The following LYN variants were observed in gnomAD, a reference collection of about 807,000 sequenced individuals.
LYN encodes the protein tyrosine-protein kinase Lyn.
A neutral mutation model predicts 65.0 loss-of-function variants in LYN; 12 were observed. The ratio of observed to expected loss-of-function variants is 0.18; its 90% CI spans 0.12 to 0.30. The LOEUF is 0.30. LYN is among the 10% of genes least tolerant of loss of function. LYN has a pLI of 1.00. For synonymous variants in LYN, 222 were observed against 221.2 expected, an observed-to-expected ratio of 1.00 and a Z score of -0.03; for missense variants, 380 against 623.2, an observed-to-expected ratio of 0.61 and a Z score of 4.16.
chr8:55,896,102 T>TAAA (rs200982543), intron 1 of LYN, among the ~76,000 whole-genome samples: 2 of 146,192 alleles, frequency 1.4e-5, no homozygotes, highest in African/African-American at 5.1e-5. Context: ...GTAAAGCAAT[T>TAAA]AAAAAAAAAA....
intron 1 of LYN, among the ~76,000 whole-genome samples, chr8:55,891,352 CAAAA>C (rs113888818): frequency 1.0e-5 from 1 of 96,470 alleles, no homozygotes; most frequent in Non-Finnish European, 2.2e-5. Flanking sequence ...AACTCCGGCT[CAAAA>C]AAAAAAAAAA....
intron 8 of LYN, among the ~76,000 whole-genome samples, chr8:55,955,975 T>C (rs191495031): frequency 1.3e-5 from 2 of 152,384 alleles, no homozygotes; most frequent in Admixed American, 6.5e-5. Context: ...TAATGCTGTA[T>C]GAATGTTCAC....
intron 10 of LYN, among the ~76,000 whole-genome samples, chr8:55,973,196 G>A (rs561439019): frequency 5.8e-4 from 88 of 152,160 alleles, no homozygotes; most frequent in Middle Eastern, 3.4e-3. Flanking sequence ...GTCACCCATT[G>A]AGACAGAAAG....
intron 10 of LYN, among the ~76,000 whole-genome samples, chr8:55,977,606 T>G (rs1478459842): frequency 6.6e-6 from 1 of 152,064 alleles, no homozygotes; most frequent in African/African-American, 2.4e-5. Context: ...TGGGAGAGTT[T>G]GTGTTCTAGC....
chr8:55,941,736 T>C (rs931134617), intron 1 of LYN, 119 bp from the exon 2 acceptor site: 1 of 645,464 alleles, frequency 1.5e-6, no homozygotes, highest in Non-Finnish European at 2.6e-6. Context: ...AGTTTATTAA[T>C]CTATATATGA....
intron 10 of LYN, among the ~76,000 whole-genome samples, chr8:55,976,909 G>A (rs908500572): frequency 6.6e-6 from 1 of 152,174 alleles, no homozygotes; most frequent in Non-Finnish European, 1.5e-5. Flanking sequence ...ACTAGGCCGA[G>A]CACAGTGGCT....
chr8:55,966,090 A>C (rs966585635), intron 8 of LYN, among the ~76,000 whole-genome samples: 4 of 152,084 alleles, frequency 2.6e-5, no homozygotes, highest in African/African-American at 9.7e-5. Flanking sequence ...GTGCCACTAC[A>C]CTCCAGCCTG....
intron 8 of LYN, among the ~76,000 whole-genome samples, chr8:55,954,470 T>C (rs1807044575): frequency 2.0e-5 from 3 of 152,260 alleles, no homozygotes; most frequent in Admixed American, 6.5e-5. Context: ...CTTCTCAGGC[T>C]GGCAAGAAGT....
At chr8:55,908,479 A>G (rs900756621) in intron 1 of LYN, among the ~76,000 whole-genome samples, 1 of 152,174 alleles carries the variant, frequency 6.6e-6, no homozygotes, top group African/African-American at 2.4e-5. Context: ...TCCTAATCTC[A>G]GGTGATCCGC....
At chr8:55,993,217 T>G (rs1808294661) in intron 10 of LYN, among the ~76,000 whole-genome samples, 1 of 152,150 alleles carries the variant, frequency 6.6e-6, no homozygotes, top group Admixed American at 6.5e-5. Context: ...AAAAAAAAGT[T>G]TGAGAAACAA....
intron 10 of LYN, among the ~76,000 whole-genome samples, chr8:55,989,232 C>A (rs1321769721): frequency 1.3e-5 from 2 of 152,118 alleles, no homozygotes; most frequent in Non-Finnish European, 2.9e-5. Flanking sequence ...TTGAGAAAAG[C>A]GGGAAAGATG....
intron 10 of LYN, among the ~76,000 whole-genome samples, chr8:55,988,490 T>C (rs1161159682): frequency 2.0e-5 from 3 of 152,176 alleles, no homozygotes; most frequent in Non-Finnish European, 4.4e-5. Flanking sequence ...ATTGTTATTT[T>C]ATAGGCATCC....
chr8:55,957,258 C>T (rs16919981), intron 8 of LYN, among the ~76,000 whole-genome samples: 2,915 of 152,276 alleles, frequency 0.019, 76 homozygotes, highest in African/African-American at 0.066. Context: ...TCCGTGTGCC[C>T]TATTTTTATT....
At chr8:55,938,102 G>A (rs1806493845) in intron 1 of LYN, among the ~76,000 whole-genome samples, 1 of 152,178 alleles carries the variant, frequency 6.6e-6, no homozygotes, top group Non-Finnish European at 1.5e-5. Context: ...TCTTGAATGA[G>A]GATGAGCCAC....
chr8:55,961,180 G>A (rs757696010), intron 8 of LYN, among the ~76,000 whole-genome samples: 10 of 152,166 alleles, frequency 6.6e-5, no homozygotes, highest in Non-Finnish European at 1.2e-4. Context: ...TTTGTGGTAC[G>A]TGGGCACTTT....
chr8:56,000,972 T>C (rs1808495399), intron 12 of LYN, among the ~76,000 whole-genome samples: 1 of 152,168 alleles, frequency 6.6e-6, no homozygotes, highest in Non-Finnish European at 1.5e-5. Context: ...CTGATGTTTA[T>C]CAAACACACA....
chr8:55,924,882 C>T (rs1806057898), intron 1 of LYN, among the ~76,000 whole-genome samples: 1 of 151,984 alleles, frequency 6.6e-6, no homozygotes, highest in South Asian at 2.1e-4. Flanking sequence ...CTCTCTGTTG[C>T]CCAGGCTGCA....
intron 2 of LYN, among the ~76,000 whole-genome samples, chr8:55,942,345 G>GTATATATATGTGTA (rs1806639996): frequency 6.6e-5 from 9 of 137,014 alleles, no homozygotes; most frequent in African/African-American, 2.3e-4. Context: ...ATATATATGT[G>GTATATATATGTGTA]TATATATATG....
intron 10 of LYN, among the ~76,000 whole-genome samples, chr8:55,975,242 T>A (rs1807721837): frequency 6.6e-6 from 1 of 152,170 alleles, no homozygotes; most frequent in African/African-American, 2.4e-5. Context: ...GGTGGTTAGC[T>A]CTTTCTCAGA....
Sources: allele counts gnomAD v4.1 joint callset (sites outside exome capture counted in the v4.1 genomes callset), GRCh38; gene constraint gnomAD v4.1.1; transcripts MANE v1.5; gene names NCBI Gene and HGNC (gene_info 2026-07-23, HGNC 2026-07-21).